CDH19: variants seen among roughly 807,000 people sequenced by gnomAD.
The protein encoded by CDH19 is cadherin-19.
CDH19 carries 67 observed loss-of-function variants against 64.2 expected under a neutral mutation model. The observed-to-expected ratio is 1.04, with a 90% CI of 0.86 to 1.28. The LOEUF is 1.28. CDH19 is among the 50% of genes most tolerant of loss of function. CDH19 has a pLI of 0.00. For synonymous variants in CDH19, 346 were observed against 319.3 expected (o/e 1.08, Z -0.89); for missense variants, 1,030 against 929.0 (o/e 1.11, Z -1.41).
intron 8 of CDH19, 80 bp downstream of exon 8, chr18:66,534,906 C>CCTTG: frequency 2.1e-5 from 19 of 912,576 alleles, no homozygotes; most frequent in Non-Finnish European, 2.8e-5. Flanking sequence ...TTTAAAGTAG[C>CCTTG]CTTGTCCCCA....
At chr18:66,591,452 T>C (rs1382535090) in intron 1 of CDH19, among the ~76,000 whole-genome samples, 1 of 151,830 alleles carries the variant, frequency 6.6e-6, no homozygotes, top group Non-Finnish European at 1.5e-5. Context: ...ACGGGAAATA[T>C]TTGCTATGAT....
At chr18:66,512,238 T>C (rs1464533764) in intron 9 of CDH19, among the ~76,000 whole-genome samples, 1 of 151,612 alleles carries the variant, frequency 6.6e-6, no homozygotes, top group African/African-American at 2.4e-5. Flanking sequence ...GAAAGTGTTT[T>C]ACATCAAATA....
chr18:66,560,021 G>C (rs932421355), intron 3 of CDH19, among the ~76,000 whole-genome samples: 2 of 151,822 alleles, frequency 1.3e-5, no homozygotes, highest in Non-Finnish European at 2.9e-5. Flanking sequence ...TTTTTTGTTT[G>C]TTTGTTTCTT....
At chr18:66,558,656 A>G (rs1355400899) in intron 3 of CDH19, among the ~76,000 whole-genome samples, 1 of 152,056 alleles carries the variant, frequency 6.6e-6, no homozygotes. Flanking sequence ...CAATTTGTAC[A>G]TTCACCTGTA....
Position 66,505,037 on chromosome 18 carries a change from G to A in CDH19, c.2094C>T (p.Phe698=), listed in dbSNP as rs201424205. ...VGPDSAIFRK[F]ILEKLEEANT... is the part of the protein sequence containing the mutation. ...TAGCTTCTTCGAGCTTTTCCAGAAT[G>A]AATTTCCTGAATATGGCACTGTCGG... The change falls in exon 12 of 12, where the codon TTC becomes TTT. Residue 698 remains phenylalanine, a synonymous_variant. Coordinates refer to ENST00000262150, the MANE Select transcript of CDH19 (RefSeq NM_021153.4). 6 of 1,613,584 alleles carry A rather than the reference G, an allele frequency of 3.7e-6. No homozygotes were observed. The highest frequency in any genetic ancestry group is 5.1e-6 in the Non-Finnish European group (6 of 1,179,730).
rs1568189048 is a variant in CDH19, at chr18:66,544,241, T to G, written c.961-17A>C. ...ATCCACTTTCTGCAAAGAAACACAG[T>G]ATACACAAAAGAAATGGCTTTAGTA... On this transcript the variant is annotated splice_polypyrimidine_tract_variant and intron_variant, in intron 6 of 11. Coordinates refer to ENST00000262150, the MANE Select transcript of CDH19 (RefSeq NM_021153.4). The G allele has an allele frequency of 6.2e-7, 1 of 1,600,002 alleles. No individual in the cohort carries two copies. Among genetic ancestry groups the G allele is most frequent in the Non-Finnish European group, 8.5e-7 (1 of 1,173,916 alleles).
At chr18:66,571,912 A>T in intron 2 of CDH19, 98 bp downstream of exon 2, 1 of 808,600 alleles carries the variant, frequency 1.2e-6, no homozygotes, top group Non-Finnish European at 1.9e-6. Flanking sequence ...CAATGGCTTC[A>T]CTGTAAAAAT....
chr18:66,547,739 C>T (rs1253346983), intron 5 of CDH19, among the ~76,000 whole-genome samples: 1 of 127,428 alleles, frequency 7.8e-6, no homozygotes. Context: ...GGGATCTCGG[C>T]TCACTGCAAG....
At chr18:66,519,933 C>A (rs980128139) in intron 9 of CDH19, among the ~76,000 whole-genome samples, 3 of 152,076 alleles carry the variant, frequency 2.0e-5, no homozygotes, top group Admixed American at 6.6e-5. Flanking sequence ...CACCTGTAAT[C>A]CCAGCACTTT....
intron 9 of CDH19, among the ~76,000 whole-genome samples, chr18:66,526,881 A>G (rs974040786): frequency 1.3e-5 from 2 of 151,980 alleles, no homozygotes; most frequent in Non-Finnish European, 2.9e-5. Flanking sequence ...ACTTTGAAAA[A>G]TATATAAAAG....
chr18:66,561,265 G>A (rs1192193150), intron 3 of CDH19, among the ~76,000 whole-genome samples: 1 of 151,886 alleles, frequency 6.6e-6, no homozygotes, highest in Non-Finnish European at 1.5e-5. Flanking sequence ...AGAAAATCTG[G>A]GACAAATGCT....
chr18:66,589,081 A>AC (rs932666523), intron 1 of CDH19, among the ~76,000 whole-genome samples: 1 of 151,888 alleles, frequency 6.6e-6, no homozygotes, highest in Non-Finnish European at 1.5e-5. Context: ...CAAAACCACC[A>AC]ATTACCATAC....
Position 66,544,899 on chromosome 18 carries a change from T to C in CDH19, c.780A>G (p.Leu260=). The part of the protein sequence containing the change: ...NDNKPIFKES[L]YRLTVSESAP... The stretch of plus-strand genomic sequence containing the variant: ...CAGATTCAGAGACAGTCAAGCGGTA[T>C]AAACCTTTAAAAACAAAATTGGAGG... The change falls in exon 6 of 12, where the codon TTA becomes TTG. Residue 260 remains leucine (L), a synonymous_variant. Transcript: ENST00000262150. 2 of 1,573,496 alleles carry C rather than the reference T, an allele frequency of 1.3e-6. No homozygotes were observed. Among genetic ancestry groups the C allele is most frequent in the Non-Finnish European group, 1.7e-6 (2 of 1,163,266 alleles).
chr18:66,570,619 A>G (rs970677352), intron 2 of CDH19, among the ~76,000 whole-genome samples: 1 of 151,710 alleles, frequency 6.6e-6, no homozygotes, highest in Non-Finnish European at 1.5e-5. Context: ...CTAAACATTC[A>G]TTATTGTTCT....
chr18:66,571,432 A>T (rs1194026295), intron 2 of CDH19, among the ~76,000 whole-genome samples: 1 of 151,704 alleles, frequency 6.6e-6, no homozygotes, highest in Non-Finnish European at 1.5e-5. Flanking sequence ...TTTAAAGAAA[A>T]CCAAATAATA....
chr18:66,564,928 G>A (rs1011199929), intron 3 of CDH19, among the ~76,000 whole-genome samples: 1 of 150,798 alleles, frequency 6.6e-6, no homozygotes, highest in African/African-American at 2.4e-5. Flanking sequence ...TGAAATGGAA[G>A]ATTACATATT....
chr18:66,533,007 C>T (rs1374535835), intron 8 of CDH19, among the ~76,000 whole-genome samples: 1 of 152,014 alleles, frequency 6.6e-6, no homozygotes, highest in Non-Finnish European at 1.5e-5. Flanking sequence ...TTTTGGCAAT[C>T]TCTTAGATTT....
chr18:66,545,454 C>A (rs1159946954), intron 5 of CDH19, among the ~76,000 whole-genome samples: 3 of 151,122 alleles, frequency 2.0e-5, no homozygotes, highest in Non-Finnish European at 2.9e-5. Flanking sequence ...TATATAGTCT[C>A]TTTCCCTTTC....
intron 3 of CDH19, among the ~76,000 whole-genome samples, chr18:66,567,646 G>T (rs911106222): frequency 6.6e-6 from 1 of 151,784 alleles, no homozygotes; most frequent in Non-Finnish European, 1.5e-5. Flanking sequence ...AGGTAAAGTA[G>T]TTATAAGCAT....
Sources: allele counts gnomAD v4.1 joint callset (sites outside exome capture counted in the v4.1 genomes callset), GRCh38; gene constraint gnomAD v4.1.1; transcripts MANE v1.5; gene names NCBI Gene and HGNC (gene_info 2026-07-23, HGNC 2026-07-21).